The following RBMS1 variants were observed in gnomAD, a reference collection of about 807,000 sequenced individuals.
RBMS1 encodes RNA binding motif single stranded interacting protein 1.
A neutral mutation model predicts 62.3 loss-of-function variants in RBMS1; 17 were observed. The ratio of observed to expected loss-of-function variants is 0.27; its 90% CI spans 0.19 to 0.41. The LOEUF is 0.41. Ranked by LOEUF, RBMS1 falls within the 10% of genes least tolerant of loss-of-function variation. The pLI is 1.00. For missense variants in RBMS1, 334 were observed against 504.5 expected (o/e 0.66, Z 3.24); for synonymous variants, 172 against 170.0 (o/e 1.01, Z -0.09).
chr2:160,481,608 C>T (rs1227576873), intron 1 of RBMS1, among the ~76,000 whole-genome samples: 1 of 151,948 alleles, frequency 6.6e-6, no homozygotes, highest in African/African-American at 2.4e-5. Flanking sequence ...AAAAAGACAA[C>T]CCAATTTAAA....
At chr2:160,278,795 G>A in intron 10 of RBMS1, 137 bp from the exon 11 acceptor site, 1 of 602,854 alleles carries the variant, frequency 1.7e-6, no homozygotes, top group Non-Finnish European at 2.9e-6. Flanking sequence ...TCTTGCAAAT[G>A]GCATCATAAA....
chr2:160,418,220 A>C (rs1400461135), intron 1 of RBMS1, among the ~76,000 whole-genome samples: 1 of 152,170 alleles, frequency 6.6e-6, no homozygotes, highest in Non-Finnish European at 1.5e-5. Context: ...TTCTTTGGCA[A>C]GTTTTAGTCA....
chr2:160,335,607 C>A (rs1196981312), intron 2 of RBMS1, among the ~76,000 whole-genome samples: 2 of 152,192 alleles, frequency 1.3e-5, no homozygotes, highest in Admixed American at 1.3e-4. Context: ...AAGCACAGAA[C>A]AGATTTTCGT....
intron 1 of RBMS1, among the ~76,000 whole-genome samples, chr2:160,443,121 G>T (rs914789040): frequency 6.6e-6 from 1 of 151,614 alleles, no homozygotes; most frequent in Admixed American, 6.6e-5. Context: ...CAGAAGAATT[G>T]CTGGAACCCA....
intron 2 of RBMS1, among the ~76,000 whole-genome samples, chr2:160,324,901 TATATATACACAC>T (rs1288016298): frequency 2.7e-4 from 32 of 118,780 alleles, no homozygotes; most frequent in Admixed American, 9.7e-4. Flanking sequence ...TATATATATA[TATATATACACAC>T]ACACACACAC....
At chr2:160,300,891 CT>C (rs1689174391) in intron 5 of RBMS1, among the ~76,000 whole-genome samples, 161 bp from the exon 6 acceptor site, 3 of 152,154 alleles carry the variant, frequency 2.0e-5, no homozygotes, top group Admixed American at 2.0e-4. Flanking sequence ...TATCTAACTG[CT>C]GCTTTTGTAC....
At chr2:160,284,316 G>A (rs1371972438) in intron 9 of RBMS1, 1 of 155,304 alleles carries the variant, frequency 6.4e-6, no homozygotes, top group African/African-American at 2.4e-5. Context: ...AATGTCAGCT[G>A]CATTGCTCAC....
At chr2:160,376,498 T>C (rs1030062364) in intron 1 of RBMS1, among the ~76,000 whole-genome samples, 37 of 152,346 alleles carry the variant, frequency 2.4e-4, no homozygotes, top group African/African-American at 8.7e-4. Flanking sequence ...AACAATACTG[T>C]CTACTTTTGT....
intron 1 of RBMS1, among the ~76,000 whole-genome samples, chr2:160,430,273 G>A (rs893688040): frequency 6.6e-6 from 1 of 152,210 alleles, no homozygotes; most frequent in African/African-American, 2.4e-5. Context: ...GTCATTTTAA[G>A]TTTTAAGTTG....
Position 160,487,851 on chromosome 2 carries a change from G to A in RBMS1, c.75+5438C>T, listed in dbSNP as rs189571885. On this transcript the variant is annotated intron_variant, in intron 1 of 13. Coordinates refer to ENST00000348849, the MANE Select transcript of RBMS1 (RefSeq NM_016836.4). ...TAATTTTATACACTTTTCTCCCCTA[G>A]GAGGTTCAGATGTTGATTTTTTCTC... 1.6e-4 allele frequency among the ~76,000 whole-genome samples: 24 copies of A among 152,274 alleles called. No individual in the cohort carries two copies. In the East Asian group the frequency reaches 4.0e-3, roughly 26 times the overall value.
intron 2 of RBMS1, among the ~76,000 whole-genome samples, chr2:160,348,250 T>TCAAAATATCCTCTTCACC (rs1270842194): frequency 1.3e-5 from 2 of 152,118 alleles, no homozygotes; most frequent in African/African-American, 4.8e-5. Flanking sequence ...GGTGTCTCAT[T>TCAAAATATCCTCTTCACC]CAAAATATCC....
intron 4 of RBMS1, among the ~76,000 whole-genome samples, chr2:160,311,827 T>C (rs1387684204): frequency 6.6e-6 from 1 of 152,324 alleles, no homozygotes; most frequent in East Asian, 1.9e-4. Context: ...TTTTAAAAAA[T>C]TTAATTAATT....
At chr2:160,288,331 T>A (rs1688511746) in intron 6 of RBMS1, among the ~76,000 whole-genome samples, 1 of 152,244 alleles carries the variant, frequency 6.6e-6, no homozygotes, top group Admixed American at 6.5e-5. Context: ...CTGTGCCTCT[T>A]ATTATCCTAA....
chr2:160,314,872 T>C (rs1365474206), intron 3 of RBMS1, among the ~76,000 whole-genome samples: 2 of 152,190 alleles, frequency 1.3e-5, no homozygotes, highest in Admixed American at 6.5e-5. Context: ...CTGTTGTCCA[T>C]GCTAACACGC....
intron 6 of RBMS1, among the ~76,000 whole-genome samples, chr2:160,290,351 AT>A (rs1688618843): frequency 6.6e-6 from 1 of 151,954 alleles, no homozygotes; most frequent in Non-Finnish European, 1.5e-5. Flanking sequence ...GTTTGGCCAA[AT>A]TAATATAAAA....
At position 160,300,686 on chromosome 2, in the gene RBMS1, T is replaced by C; in HGVS notation, c.605A>G (p.Asn202Ser). 1.2e-6 allele frequency: 2 copies of C among 1,603,404 alleles called. No individual in the cohort carries two copies. The highest frequency in any genetic ancestry group is 8.5e-7 in the Non-Finnish European group (1 of 1,175,962). ...EKCEAVIGHF[N>S]GKFIKTPPGV... ...TGGTGGTGTCTTAATAAATTTTCCA[T>C]TAAAATGACCAATAACAGCTTCACA... Residue 202 changes from asparagine (N) to serine (S), a missense_variant, in exon 6 of 14, where the codon AAT (asparagine) becomes AGT (serine). Transcript: ENST00000348849.
rs376568431 is a variant in RBMS1, at chr2:160,290,717, G to A, written c.641-3633C>T. On this transcript the variant is annotated intron_variant, in intron 6 of 13. Coordinates refer to ENST00000348849, the MANE Select transcript of RBMS1 (RefSeq NM_016836.4). Reference sequence around the variant, plus strand: ...CTTGACAACTGCAGTGTTACCTTGAGCATTTGTTAAAGGCCCCAGGCAACA... The same window carrying A: ...CTTGACAACTGCAGTGTTACCTTGAACATTTGTTAAAGGCCCCAGGCAACA... Among the ~76,000 whole-genome samples the A allele has an allele frequency of 2.0e-5, 3 of 152,290 alleles. No homozygotes were observed. The East Asian group carries it at 5.8e-4, about 29-fold the overall frequency.
chr2:160,293,837 C>T (rs1343517010), intron 6 of RBMS1, among the ~76,000 whole-genome samples: 1 of 152,202 alleles, frequency 6.6e-6, no homozygotes, highest in South Asian at 2.1e-4. Context: ...AGACAAATCA[C>T]TGAATCATGA....
chr2:160,377,395 C>G (rs1157888203), intron 1 of RBMS1, among the ~76,000 whole-genome samples: 24 of 152,200 alleles, frequency 1.6e-4, no homozygotes. Context: ...AGCACCTGCA[C>G]TGTTAAAATG....
Sources: allele counts gnomAD v4.1 joint callset (sites outside exome capture counted in the v4.1 genomes callset), GRCh38; gene constraint gnomAD v4.1.1; transcripts MANE v1.5; gene names NCBI Gene and HGNC (gene_info 2026-07-23, HGNC 2026-07-21).